Variants in FOXP1 observed in about 807,000 individuals in gnomAD.
FOXP1 encodes forkhead box protein P1.
A neutral mutation model predicts 98.2 loss-of-function variants in FOXP1; 15 were observed. That is an observed-to-expected ratio of 0.15 (90% CI 0.10 to 0.24). The LOEUF is 0.24. Among genes scored for constraint, FOXP1 ranks in the 10% least tolerant of loss-of-function variants. The pLI is 1.00. For synonymous variants in FOXP1, 371 were observed against 314.5 expected, an observed-to-expected ratio of 1.18 and a Z score of -1.90; for missense variants, 633 against 848.5, an observed-to-expected ratio of 0.75 and a Z score of 3.15.
At chr3:71,250,453 G>A (rs191636518) in intron 5 of FOXP1, among the ~76,000 whole-genome samples, 1 of 152,278 alleles carries the variant, frequency 6.6e-6, no homozygotes, top group Non-Finnish European at 1.5e-5. Context: ...AATTTAAATA[G>A]CCACACATGC....
At chr3:71,112,447 T>C in intron 7 of FOXP1, 89 bp downstream of exon 7, 2 of 1,039,420 alleles carry the variant, frequency 1.9e-6, no homozygotes, top group Non-Finnish European at 3.0e-6. Context: ...CTTACATGAT[T>C]TGCAATGCTC....
intron 5 of FOXP1, among the ~76,000 whole-genome samples, chr3:71,263,305 G>A (rs1040171768): frequency 6.6e-6 from 1 of 152,116 alleles, no homozygotes; most frequent in Non-Finnish European, 1.5e-5. Context: ...CAACAAAACC[G>A]AGCCTGTGCA....
intron 7 of FOXP1, among the ~76,000 whole-genome samples, chr3:71,093,939 A>G (rs2056176145): frequency 6.6e-6 from 1 of 152,166 alleles, no homozygotes; most frequent in Non-Finnish European, 1.5e-5. Flanking sequence ...ATTGTTCTCT[A>G]TCAGTTCCCA....
At chr3:71,261,337 T>A (rs965873757) in intron 5 of FOXP1, among the ~76,000 whole-genome samples, 1 of 152,168 alleles carries the variant, frequency 6.6e-6, no homozygotes, top group African/African-American at 2.4e-5. Context: ...AGATTTTTTT[T>A]AACTTTAGTT....
At chr3:71,158,111 G>GGAAGGAAGGAAGGGAGGGAGGGAA (rs1560038283) in intron 6 of FOXP1, among the ~76,000 whole-genome samples, 2 of 57,966 alleles carry the variant, frequency 3.5e-5, no homozygotes, top group East Asian at 7.2e-4. Context: ...AAGGAAGGGA[G>GGAAGGAAGGAAGGGAGGGAGGGAA]GGAGGGAGGG....
intron 3 of FOXP1, among the ~76,000 whole-genome samples, chr3:71,476,601 C>T (rs1038631493): frequency 4.6e-5 from 7 of 152,054 alleles, no homozygotes; most frequent in East Asian, 1.9e-4. Context: ...AGCGATTCTC[C>T]GGCCTCAGCC....
At chr3:71,491,299 A>T (rs2091043626) in intron 3 of FOXP1, among the ~76,000 whole-genome samples, 1 of 152,218 alleles carries the variant, frequency 6.6e-6, no homozygotes, top group South Asian at 2.1e-4. Context: ...GACAGGCGTG[A>T]GCCACCATGC....
intron 12 of FOXP1, among the ~76,000 whole-genome samples, chr3:71,005,010 C>G (rs1015028984): frequency 6.6e-6 from 1 of 151,954 alleles, no homozygotes; most frequent in African/African-American, 2.4e-5. Flanking sequence ...CGGTTATGAA[C>G]GTTGGCATGT....
chr3:71,038,049 A>G (rs988448645), intron 11 of FOXP1, among the ~76,000 whole-genome samples: 3 of 152,204 alleles, frequency 2.0e-5, no homozygotes, highest in Non-Finnish European at 2.9e-5. Flanking sequence ...TCCTTAACAG[A>G]TTGCAGCTCA....
At chr3:71,004,668 AT>A (rs1362038710) in intron 12 of FOXP1, among the ~76,000 whole-genome samples, 1 of 152,184 alleles carries the variant, frequency 6.6e-6, no homozygotes, top group Non-Finnish European at 1.5e-5. Context: ...ATCCATTAAT[AT>A]TTTAACTAAA....
chr3:71,097,282 TA>T (rs2056550078), intron 7 of FOXP1, among the ~76,000 whole-genome samples: 1 of 152,216 alleles, frequency 6.6e-6, no homozygotes, highest in Non-Finnish European at 1.5e-5. Flanking sequence ...ATGTGAAATT[TA>T]TACTTCAGTG....
intron 19 of FOXP1, 59 bp downstream of exon 19, chr3:70,970,677 G>T (rs1350206355): frequency 1.5e-6 from 2 of 1,294,580 alleles, no homozygotes; most frequent in Non-Finnish European, 2.3e-6. Flanking sequence ...AATATATTTT[G>T]AAATGAGTAG....
chr3:71,403,827 T>C (rs2082106422), intron 3 of FOXP1, among the ~76,000 whole-genome samples: 1 of 151,940 alleles, frequency 6.6e-6, no homozygotes, highest in South Asian at 2.1e-4. Flanking sequence ...CTCCAGCCTG[T>C]GCAACAGAGC....
chr3:71,564,501 A>T (rs550181986), intron 2 of FOXP1, among the ~76,000 whole-genome samples: 1 of 152,178 alleles, frequency 6.6e-6, no homozygotes, highest in Non-Finnish European at 1.5e-5. Flanking sequence ...GTAAATCAGA[A>T]AGGTTAATAA....
rs984099168 is a variant in FOXP1, at chr3:71,546,987, G to A, written c.-298+34562C>T. 2.0e-5 allele frequency among the ~76,000 whole-genome samples: 3 copies of A among 152,284 alleles called. 1 individual carries two copies. The South Asian group carries it at 6.2e-4, about 32-fold the overall frequency. ...AGAGAGGAAGAGAGAAAGGAAGGAA[G>A]GCAATTGCTTGCTACGAAGACAAAA... On this transcript the variant is annotated intron_variant, in intron 2 of 20. Coordinates refer to ENST00000649528, the MANE Select transcript of FOXP1 (RefSeq NM_001349338.3).
At position 71,272,766 on chromosome 3, in the gene FOXP1, G is replaced by C. The variant is rs953681556; in HGVS notation, c.-12+27054C>G. On this transcript the variant is annotated intron_variant, in intron 5 of 20. Transcript: ENST00000649528. The stretch of plus-strand genomic sequence containing the variant: ...GGAGAAAGAGCTCTGCCCCTTATTA[G>C]GGTCACCTGACTTTGGTCATTTTTT... 2.6e-5 allele frequency among the ~76,000 whole-genome samples: 4 copies of C among 151,070 alleles called. No homozygotes were observed. The Admixed American group carries it at 2.7e-4, about 10-fold the overall frequency.
chr3:71,534,479 C>A lies in FOXP1; in HGVS notation c.-297-40924G>T, dbSNP rs114476289. Among the ~76,000 whole-genome samples, 628 of 152,306 alleles carry A rather than the reference C, an allele frequency of 4.1e-3. 6 individuals are homozygous for A. Among genetic ancestry groups the A allele is most frequent in the African/African-American group, 0.014 (602 of 41,562 alleles). ...AAAAAAATCCACGTATGAGTAGACA[C>A]CCCCAGTTCAAAGGTCAACTCCACT... is the stretch of plus-strand genomic sequence containing the variant. On this transcript the variant is annotated intron_variant, in intron 2 of 20. Transcript: ENST00000649528.
intron 4 of FOXP1, among the ~76,000 whole-genome samples, chr3:71,317,475 GA>G (rs1244144210): frequency 5.5e-5 from 8 of 145,574 alleles, no homozygotes; most frequent in Middle Eastern, 3.5e-3. Context: ...GGCCCCACTG[GA>G]AAAAAAAAAG....
chr3:71,519,603 A>T (rs1244108575), intron 2 of FOXP1, among the ~76,000 whole-genome samples: 2 of 152,194 alleles, frequency 1.3e-5, no homozygotes, highest in African/African-American at 2.4e-5. Context: ...CACGCAACAG[A>T]TCTTTATATT....
Sources: gnomAD v4.1 joint callset for allele counts (sites outside exome capture counted in the v4.1 genomes callset) on GRCh38, gnomAD v4.1.1 for gene constraint, MANE v1.5 for transcripts, NCBI Gene and HGNC (gene_info 2026-07-23, HGNC 2026-07-21) for gene names.